The following TMCO6 variants were observed in gnomAD, a reference collection of about 807,000 sequenced individuals.
The protein encoded by TMCO6 is transmembrane and coiled-coil domains 6, also known as transmembrane and coiled-coil domain-containing protein 6.
Under a neutral mutation model 61.8 loss-of-function variants are expected in TMCO6, and 47 were observed. The ratio of observed to expected loss-of-function variants is 0.76; its 90% confidence interval spans 0.60 to 0.97. The LOEUF (loss-of-function observed/expected upper bound fraction) is 0.97, where lower values mean the gene tolerates loss of function less well. Among genes scored for constraint, TMCO6 ranks in the 50% least tolerant of loss-of-function variants. TMCO6 has a pLI of 0.00. For synonymous variants in TMCO6, 261 were observed against 254.2 expected (o/e 1.03, Z -0.25); for missense variants, 557 against 601.6 (o/e 0.93, Z 0.78).
the TMCO6 span, among the ~76,000 whole-genome samples, chr5:140,614,513 A>AAC: frequency 6.6e-6 from 1 of 151,576 alleles, no homozygotes; most frequent in Admixed American, 6.6e-5. Context: ...ACTCTGTTTT[A>AAC]AACAACAACA....
At chr5:140,639,875 C>G (rs765330575) in intron 2 of TMCO6, 24 bp downstream of exon 2, 1 of 1,574,480 alleles carries the variant, frequency 6.4e-7, no homozygotes, top group Non-Finnish European at 8.6e-7. Flanking sequence ...GTAGGGTGCG[C>G]TGGAGTCCAC....
At chr5:140,618,573 T>C in the TMCO6 span, among the ~76,000 whole-genome samples, 2 of 152,136 alleles carry the variant, frequency 1.3e-5, no homozygotes, top group Non-Finnish European at 2.9e-5. Context: ...GGGGGTTTGT[T>C]GTACATATTA....
chr5:140,647,404 G>A (rs757929497), downstream of TMCO6: 2 of 1,610,740 alleles, frequency 1.2e-6, no homozygotes, highest in African/African-American at 1.3e-5. Context: ...GTGGGCGGGG[G>A]CTTCCCTCAA....
chr5:140,632,280 T>G, the TMCO6 span: 1 of 1,613,920 alleles, frequency 6.2e-7, no homozygotes. This position sits in a 1 kb window ranked among gnomAD's most constrained non-coding sequence, Gnocchi z 6.2. Context: ...TGTGGGCGTC[T>G]CCATTCCTGT....
chr5:140,638,299 A>G (rs147149329), upstream of TMCO6, among the ~76,000 whole-genome samples: 1 of 152,162 alleles, frequency 6.6e-6, no homozygotes, highest in Non-Finnish European at 1.5e-5. Flanking sequence ...GAAAGTGGAG[A>G]GGAAAGGGGA....
At chr5:140,596,901 A>G in the TMCO6 span, among the ~76,000 whole-genome samples, 1 of 152,304 alleles carries the variant, frequency 6.6e-6, no homozygotes, top group Non-Finnish European at 1.5e-5. Context: ...TGTAAGTAAT[A>G]AAACTACTTC....
upstream of TMCO6, among the ~76,000 whole-genome samples, chr5:140,634,620 G>A (rs1387591186): frequency 2.0e-5 from 3 of 151,428 alleles, no homozygotes; most frequent in African/African-American, 4.9e-5. Context: ...TGAGTAGCTG[G>A]GATTACAGGA....
At chr5:140,623,613 G>A in the TMCO6 span, among the ~76,000 whole-genome samples, 1 of 152,152 alleles carries the variant, frequency 6.6e-6, no homozygotes, top group Non-Finnish European at 1.5e-5. Flanking sequence ...TTAAGCCACA[G>A]GGCGAAATGT....
At chr5:140,631,959 C>T in the TMCO6 span, 69 of 1,613,280 alleles carry the variant, frequency 4.3e-5, no homozygotes, top group Middle Eastern at 8.2e-4. Flanking sequence ...GTTCATTGAG[C>T]CCTCGTGGGG....
chr5:140,624,587 T>C, the TMCO6 span, among the ~76,000 whole-genome samples: 2 of 152,116 alleles, frequency 1.3e-5, no homozygotes, highest in East Asian at 3.9e-4. Flanking sequence ...TTTTTATTTT[T>C]ATTTTTGAAA....
rs2149789271 is a variant in TMCO6, at chr5:140,639,622, G to A, written c.85+10G>A. ...CGGGAGCGGGAGGCAGGTGTGGGCG[G>A]CCGAGGGAGCGCGGGGGTATATGGC... On this transcript the variant is annotated intron_variant, in intron 1 of 11. Transcript: ENST00000394671. 1 of 1,540,772 alleles carries A rather than the reference G, an allele frequency of 6.5e-7. No homozygotes were observed. The highest frequency in any genetic ancestry group is 2.5e-5 in the East Asian group (1 of 40,796).
upstream of TMCO6, among the ~76,000 whole-genome samples, chr5:140,634,547 G>A (rs1296310476): frequency 2.8e-5 from 4 of 144,548 alleles, no homozygotes; most frequent in African/African-American, 5.2e-5. Context: ...GTGCAGTGGC[G>A]TGATCTTGGC....
chr5:140,644,803 C>A (rs1757296905), intron 11 of TMCO6, 63 bp downstream of exon 11: 1 of 1,591,776 alleles, frequency 6.3e-7, no homozygotes, highest in African/African-American at 1.3e-5. Context: ...TGGCTCCCTT[C>A]CCATCCAGTC....
chr5:140,597,560 AT>A, the TMCO6 span, among the ~76,000 whole-genome samples: 1 of 152,166 alleles, frequency 6.6e-6, no homozygotes, highest in African/African-American at 2.4e-5. Flanking sequence ...GATTTCCCTA[AT>A]TGGGTTATTC....
the TMCO6 span, chr5:140,631,807 C>G: frequency 2.0e-6 from 3 of 1,499,660 alleles, no homozygotes; most frequent in South Asian, 1.3e-5. Flanking sequence ...TGACGGGACT[C>G]CCCTGAAGCC....
At chr5:140,647,457 G>T, downstream of TMCO6, 1 of 1,606,206 alleles carries the variant, frequency 6.2e-7, no homozygotes. Context: ...CCCGAAGCCC[G>T]CCCGCCTCAC....
At chr5:140,633,239 T>C in the TMCO6 span, 1 of 808,108 alleles carries the variant, frequency 1.2e-6, no homozygotes, top group Non-Finnish European at 2.1e-6. Flanking sequence ...CCCTCCTCTG[T>C]GAACCCTGAT....
chr5:140,625,098 C>T, the TMCO6 span, among the ~76,000 whole-genome samples: 1,176 of 152,168 alleles, frequency 7.7e-3, 17 homozygotes, highest in African/African-American at 0.027. Flanking sequence ...ATAATACATC[C>T]GCCTTGGCCT....
intron 9 of TMCO6, 35 bp from the exon 10 acceptor site, chr5:140,644,065 G>A (rs377261522): frequency 5.3e-5 from 86 of 1,613,312 alleles, no homozygotes; most frequent in Admixed American, 6.7e-5. Flanking sequence ...GGTGGTGGGG[G>A]AAAGCAGTTT....
Sources: allele counts gnomAD v4.1 joint callset (sites outside exome capture counted in the v4.1 genomes callset), GRCh38; gene constraint gnomAD v4.1.1; non-coding constraint Gnocchi (gnomAD v3.1); transcripts MANE v1.5; gene names NCBI Gene and HGNC (gene_info 2026-07-23, HGNC 2026-07-21).